The following NUDCD3 variants were observed in gnomAD, a reference collection of about 807,000 sequenced individuals.
The protein encoded by NUDCD3 is NudC domain containing 3.
Under a neutral mutation model 39.7 loss-of-function variants are expected in NUDCD3, and 13 were observed. The observed-to-expected ratio is 0.33, with a 90% CI of 0.21 to 0.52. NUDCD3 has a LOEUF of 0.52. Ranked by LOEUF, NUDCD3 falls within the 20% of genes least tolerant of loss-of-function variation. NUDCD3 has a pLI of 0.96. For synonymous variants in NUDCD3, 175 were observed against 172.4 expected, an observed-to-expected ratio of 1.02 and a Z score of -0.12; for missense variants, 453 against 458.1, an observed-to-expected ratio of 0.99 and a Z score of 0.10.
chr7:44,421,818 T>C (rs1799147174), intron 3 of NUDCD3, among the ~76,000 whole-genome samples: 1 of 151,324 alleles, frequency 6.6e-6, no homozygotes, highest in South Asian at 2.1e-4. Context: ...CAAGCTGACC[T>C]AATCCACAGA....
In NUDCD3 at chr7:44,468,126, T is replaced by C. The variant is rs1393952169; in HGVS notation, c.509+16842A>G. On this transcript the variant is annotated intron_variant, in intron 2 of 5. Transcript: ENST00000355451. ...ATGCTGCCCAGTGGCTTCCGGAAGT[T>C]CCTGGTCCACAACATCAAGGAGCTG... The C allele has an allele frequency of 1.9e-6, 3 of 1,607,438 alleles. 1 individual carries two copies. The South Asian group carries it at 3.3e-5, about 18-fold the overall frequency.
chr7:44,475,094 T>A (rs1800336838), intron 2 of NUDCD3, among the ~76,000 whole-genome samples: 1 of 151,844 alleles, frequency 6.6e-6, no homozygotes, highest in Admixed American at 6.6e-5. Context: ...CTCAACAGTG[T>A]ACATCACAAA....
At chr7:44,434,689 T>C (rs1368312266) in intron 2 of NUDCD3, among the ~76,000 whole-genome samples, 1 of 152,074 alleles carries the variant, frequency 6.6e-6, no homozygotes, top group Non-Finnish European at 1.5e-5. Context: ...GTCCTACAAA[T>C]CAATGTCTCC....
intron 1 of NUDCD3, 58 bp from the exon 2 acceptor site, chr7:44,485,342 C>CT: frequency 7.3e-7 from 1 of 1,373,608 alleles, no homozygotes; most frequent in Non-Finnish European, 1.0e-6. Context: ...TACCACATAT[C>CT]TTGTAGAAAT....
intron 3 of NUDCD3, among the ~76,000 whole-genome samples, chr7:44,409,746 A>C (rs998190065): frequency 2.0e-5 from 3 of 152,194 alleles, no homozygotes; most frequent in African/African-American, 7.2e-5. Context: ...AAAATTACTA[A>C]AGGAAAGTAT....
At position 44,485,167 on chromosome 7, in the gene NUDCD3, C is replaced by G. The variant is rs1456191796; in HGVS notation, c.310G>C (p.Ala104Pro). ...EEAKTVSAAA[A>P]EKEPVPVPVQ... ...GGAACTGGGACTGGCTCCTTCTCAG[C>G]TGCAGCAGCTGACACAGTCTTGGCC... The change falls in exon 2 of 6, where the codon GCT becomes CCT. Residue 104 changes from alanine (A) to proline (P), a missense_variant. Coordinates refer to ENST00000355451, the MANE Select transcript of NUDCD3 (RefSeq NM_015332.4). 6.2e-7 allele frequency: 1 copy of G among 1,614,108 alleles called. No homozygotes were observed. Among genetic ancestry groups the G allele is most frequent in the Non-Finnish European group, 8.5e-7 (1 of 1,180,042 alleles).
intron 2 of NUDCD3, among the ~76,000 whole-genome samples, chr7:44,439,242 A>T (rs958120826): frequency 6.6e-6 from 1 of 152,240 alleles, no homozygotes; most frequent in African/African-American, 2.4e-5. Context: ...ACAATTTGTC[A>T]GGGACACATC....
In NUDCD3 at chr7:44,485,071, G is replaced by A; in HGVS notation, c.406C>T (p.Pro136Ser). The change falls in exon 2 of 6, where the codon CCA (proline) becomes TCA (serine). Residue 136 changes from proline (P) to serine (S), a missense_variant. By Grantham distance (74) the Pro-to-Ser change is moderately conservative. Coordinates refer to ENST00000355451, the MANE Select transcript of NUDCD3 (RefSeq NM_015332.4). ...GHQEVEKVQP[P>S]GPVKEMAHGS... is the part of the protein sequence containing the mutation. ...TGGGCCATTTCCTTCACAGGGCCTG[G>A]AGGCTGCACTTTCTCTACTTCCTGA... 2 of 1,614,126 alleles carry A rather than the reference G, an allele frequency of 1.2e-6. No homozygotes were observed. The highest frequency in any genetic ancestry group is 1.7e-6 in the Non-Finnish European group (2 of 1,180,006).
intron 2 of NUDCD3, among the ~76,000 whole-genome samples, chr7:44,455,819 G>A (rs1338047416): frequency 5.3e-5 from 8 of 151,726 alleles, no homozygotes; most frequent in Non-Finnish European, 1.0e-4. Context: ...GAGGTCAGGA[G>A]ATCGAGACCA....
intron 3 of NUDCD3, among the ~76,000 whole-genome samples, chr7:44,410,087 G>C (rs1313811165): frequency 1.3e-5 from 2 of 151,808 alleles, no homozygotes; most frequent in Non-Finnish European, 2.9e-5. Context: ...GAGAAAAGAA[G>C]AAAGAATATT....
chr7:44,461,005 C>T (rs574107637), intron 2 of NUDCD3, among the ~76,000 whole-genome samples: 1 of 152,278 alleles, frequency 6.6e-6, no homozygotes, highest in East Asian at 1.9e-4. Context: ...CTAGGTAGTC[C>T]TAGACAACAG....
At chr7:44,417,995 G>A (rs1799059691) in intron 3 of NUDCD3, among the ~76,000 whole-genome samples, 1 of 152,176 alleles carries the variant, frequency 6.6e-6, no homozygotes, top group Non-Finnish European at 1.5e-5. Context: ...AAGGCACAGG[G>A]CACTTGCAAA....
intron 2 of NUDCD3, among the ~76,000 whole-genome samples, chr7:44,444,906 C>T (rs1799660883): frequency 6.6e-6 from 1 of 152,234 alleles, no homozygotes; most frequent in South Asian, 2.1e-4. Context: ...TTTCTTCCCA[C>T]CTTACCTTCC....
intron 3 of NUDCD3, among the ~76,000 whole-genome samples, chr7:44,406,620 G>A (rs1798825729): frequency 1.3e-5 from 2 of 152,190 alleles, no homozygotes; most frequent in African/African-American, 4.8e-5. Context: ...GCCTACCCAG[G>A]GGAATGAACC....
chr7:44,423,929 C>A (rs1799188894), intron 3 of NUDCD3, among the ~76,000 whole-genome samples: 1 of 152,130 alleles, frequency 6.6e-6, no homozygotes, highest in African/African-American at 2.4e-5. Flanking sequence ...CGGCATAGTA[C>A]CGGTACCAAA....
chr7:44,394,716 C>A (rs1171629977), intron 4 of NUDCD3, among the ~76,000 whole-genome samples: 1 of 152,184 alleles, frequency 6.6e-6, no homozygotes, highest in East Asian at 1.9e-4. Flanking sequence ...CCAGATTGCC[C>A]AGCATGAAGA....
At chr7:44,464,138 C>T (rs902880644) in intron 2 of NUDCD3, among the ~76,000 whole-genome samples, 4 of 150,472 alleles carry the variant, frequency 2.7e-5, no homozygotes, top group Non-Finnish European at 5.9e-5. Flanking sequence ...TGCTTGAACC[C>T]GAGAGGAAGA....
At chr7:44,393,778 T>C (rs538575599) in intron 4 of NUDCD3, among the ~76,000 whole-genome samples, 24 of 152,232 alleles carry the variant, frequency 1.6e-4, no homozygotes, top group Non-Finnish European at 2.9e-4. Flanking sequence ...CTCTCATCCA[T>C]GGAGGTGGCA....
intron 4 of NUDCD3, among the ~76,000 whole-genome samples, chr7:44,396,018 T>G (rs1798616983): frequency 6.6e-6 from 1 of 152,148 alleles, no homozygotes; most frequent in African/African-American, 2.4e-5. Flanking sequence ...TGCACCACTT[T>G]ACCTTCCCAC....
Sources: gnomAD v4.1 joint callset for allele counts (sites outside exome capture counted in the v4.1 genomes callset) on GRCh38, gnomAD v4.1.1 for gene constraint, MANE v1.5 for transcripts, NCBI Gene and HGNC (gene_info 2026-07-23, HGNC 2026-07-21) for gene names.